ANO2: variants seen among roughly 807,000 people sequenced by gnomAD.
ANO2 encodes anoctamin 2.
In ANO2, 101 loss-of-function variants were observed where a neutral mutation model predicts 124.2. The observed-to-expected ratio is 0.81, with a 90% CI of 0.69 to 0.96. The LOEUF is 0.96. Among genes scored for constraint, ANO2 ranks in the 40% least tolerant of loss-of-function variants. ANO2 has a pLI of 0.00. For synonymous variants in ANO2, 486 were observed against 482.5 expected (o/e 1.01, Z -0.09); for missense variants, 1,293 against 1,274.5 (o/e 1.01, Z -0.22).
intron 16 of ANO2, among the ~76,000 whole-genome samples, chr12:5,632,569 C>A (rs770361204): frequency 1.3e-5 from 2 of 151,994 alleles, no homozygotes; most frequent in Non-Finnish European, 2.9e-5. Context: ...CCAGGGTAGC[C>A]GCTTTGGTCT....
At chr12:5,697,527 G>C (rs1047644208) in intron 14 of ANO2, among the ~76,000 whole-genome samples, 5 of 152,248 alleles carry the variant, frequency 3.3e-5, no homozygotes, top group Admixed American at 2.0e-4. Context: ...CCCAGCATGA[G>C]CGATGCAGAA....
At chr12:5,945,913 G>T (rs765947899), upstream of ANO2, among the ~76,000 whole-genome samples, 5 of 152,236 alleles carry the variant, frequency 3.3e-5, no homozygotes, top group Non-Finnish European at 7.3e-5. Flanking sequence ...GTTAAGGAAG[G>T]TTGAGGGAGT....
intron 3 of ANO2, among the ~76,000 whole-genome samples, chr12:5,915,063 G>A (rs1266973401): frequency 6.6e-6 from 1 of 152,162 alleles, no homozygotes; most frequent in African/African-American, 2.4e-5. Context: ...GCTCAAGGCT[G>A]GGGCAGTCTC....
rs1942033365 is a variant in ANO2 at position 5,925,360 on chromosome 12, G to A, written c.23-2556C>T. On this transcript the variant is annotated intron_variant, in intron 1 of 24. Transcript: ENST00000682330. The surrounding 1 kb of genome is among the most constrained non-coding windows in gnomAD (Gnocchi z 4.6). ...CACTAGCCATCGCAGTTGCTCCCCC[G>A]GCTCGCTCTCTGACACACGGATCCG... Among the ~76,000 whole-genome samples the A allele has an allele frequency of 6.6e-6, 1 of 152,126 alleles. No individual in the cohort carries two copies. The highest frequency in any genetic ancestry group is 1.5e-5 in the Non-Finnish European group (1 of 68,026).
chr12:5,649,495 C>A (rs1162938627), intron 14 of ANO2, among the ~76,000 whole-genome samples: 1 of 152,138 alleles, frequency 6.6e-6, no homozygotes, highest in Non-Finnish European at 1.5e-5. Context: ...GAACAAGACT[C>A]ATTCATATTC....
chr12:5,845,713 G>A (rs951803427), intron 4 of ANO2, among the ~76,000 whole-genome samples: 8 of 152,194 alleles, frequency 5.3e-5, no homozygotes, highest in Non-Finnish European at 8.8e-5. Context: ...CAGGAGCGTG[G>A]CTTTGGAGTC....
At chr12:5,906,310 C>T (rs1191999903) in intron 3 of ANO2, among the ~76,000 whole-genome samples, 4 of 146,088 alleles carry the variant, frequency 2.7e-5, no homozygotes, top group African/African-American at 1.0e-4. Context: ...ACAAACAGCA[C>T]TAAAGGCTAT....
chr12:5,851,902 A>C (rs1451461700), intron 4 of ANO2: 1 of 729,160 alleles, frequency 1.4e-6, no homozygotes, highest in Non-Finnish European at 2.5e-6. Context: ...GTTTCCCCTA[A>C]AAGGGTTACC....
intron 15 of ANO2, among the ~76,000 whole-genome samples, chr12:5,646,661 C>A (rs997751933): frequency 6.6e-6 from 1 of 152,160 alleles, no homozygotes; most frequent in East Asian, 1.9e-4. Flanking sequence ...GCTTAACACA[C>A]GGCAACTCAC....
intron 20 of ANO2, among the ~76,000 whole-genome samples, chr12:5,587,059 C>T (rs915098534): frequency 6.6e-6 from 1 of 152,176 alleles, no homozygotes; most frequent in African/African-American, 2.4e-5. Flanking sequence ...TCTGCAGAGT[C>T]CAACTGACAG....
chr12:5,613,039 A>G, intron 17 of ANO2, 81 bp from the exon 18 acceptor site: 3 of 1,349,762 alleles, frequency 2.2e-6, no homozygotes, highest in Non-Finnish European at 3.2e-6. Context: ...TGAGGGGAAT[A>G]CCACCACCAC....
intron 3 of ANO2, among the ~76,000 whole-genome samples, chr12:5,891,950 A>T (rs1212813854): frequency 1.3e-5 from 2 of 152,222 alleles, no homozygotes; most frequent in Non-Finnish European, 1.5e-5. Flanking sequence ...ATGACAATAG[A>T]CAAATGCCGA....
chr12:5,909,496 T>C (rs528240435), intron 3 of ANO2, among the ~76,000 whole-genome samples: 3 of 152,294 alleles, frequency 2.0e-5, no homozygotes, highest in Admixed American at 2.0e-4. Context: ...CTTCCCTTTT[T>C]CCAGAATAGA....
intron 7 of ANO2, among the ~76,000 whole-genome samples, chr12:5,816,539 C>T (rs1294368148): frequency 2.0e-5 from 3 of 152,096 alleles, no homozygotes; most frequent in Non-Finnish European, 4.4e-5. Context: ...AGCCTAATTC[C>T]ACTCCTACTC....
intron 10 of ANO2, among the ~76,000 whole-genome samples, chr12:5,757,065 T>C (rs962596243): frequency 6.6e-6 from 1 of 152,248 alleles, no homozygotes; most frequent in African/African-American, 2.4e-5. Flanking sequence ...TGAGCCTGCA[T>C]TCTCAGTGAA....
At chr12:5,746,372 G>A (rs1951266182) in intron 11 of ANO2, among the ~76,000 whole-genome samples, 1 of 152,186 alleles carries the variant, frequency 6.6e-6, no homozygotes. Flanking sequence ...CTTTATATAT[G>A]TATTGGGGGG....
intron 10 of ANO2, among the ~76,000 whole-genome samples, chr12:5,751,647 A>G (rs1039704851): frequency 6.6e-6 from 1 of 152,158 alleles, no homozygotes; most frequent in Non-Finnish European, 1.5e-5. Context: ...CAATCACTCC[A>G]TAAAGTTATC....
At chr12:5,863,399 C>T (rs1210749247) in intron 3 of ANO2, among the ~76,000 whole-genome samples, 3 of 152,178 alleles carry the variant, frequency 2.0e-5, no homozygotes, top group African/African-American at 4.8e-5. Context: ...AGATAGGCCC[C>T]GGGAAGGCCA....
In ANO2 at chr12:5,913,443, C is replaced by T. The variant is rs114856214; in HGVS notation, c.534+7597G>A. Among the ~76,000 whole-genome samples, 501 of 152,288 alleles carry T rather than the reference C, an allele frequency of 3.3e-3. 5 individuals are homozygous for T. The highest frequency in any genetic ancestry group is 0.011 in the African/African-American group (473 of 41,544). ...GAGTCCAGTGGGCTCACGGCCCTGG[C>T]GCCACACGCTCCTTCTGGAAAGGAA... On this transcript the variant is annotated intron_variant, in intron 3 of 24. Transcript: ENST00000682330.
Sources: gnomAD v4.1 joint callset for allele counts (sites outside exome capture counted in the v4.1 genomes callset) on GRCh38, gnomAD v4.1.1 for gene constraint, Gnocchi (gnomAD v3.1) non-coding constraint, MANE v1.5 for transcripts, NCBI Gene and HGNC (gene_info 2026-07-23, HGNC 2026-07-21) for gene names.